NBEA: variants seen among roughly 807,000 people sequenced by gnomAD.
The protein encoded by NBEA is lysosomal-trafficking regulator 2.
Under a neutral mutation model 343.4 loss-of-function variants are expected in NBEA, and 44 were observed. That is an observed-to-expected ratio of 0.13 (90% CI 0.10 to 0.16). The LOEUF is 0.16. NBEA is among the 10% of genes least tolerant of loss of function. The pLI is 1.00. For synonymous variants in NBEA, 1,175 were observed against 1,238.7 expected (o/e 0.95, Z 1.08); for missense variants, 2,555 against 3,631.3 (o/e 0.70, Z 7.62).
At chr13:35,352,411 AT>A in intron 38 of NBEA, 88 bp downstream of exon 38, 1 of 670,238 alleles carries the variant, frequency 1.5e-6, no homozygotes, top group Non-Finnish European at 2.2e-6. Context: ...TTTAAAAGTC[AT>A]TTAGAAAATA....
intron 6 of NBEA, among the ~76,000 whole-genome samples, chr13:35,054,560 TTTATAGAAGCAC>T (rs1226393107): frequency 1.3e-5 from 2 of 151,952 alleles, no homozygotes; most frequent in Non-Finnish European, 2.9e-5. Flanking sequence ...TGACCTTGCT[TTTATAGAAGCAC>T]ACTGTTGTTT....
chr13:34,957,383 A>G (rs1422252593), intron 1 of NBEA, among the ~76,000 whole-genome samples: 1 of 152,108 alleles, frequency 6.6e-6, no homozygotes, highest in African/African-American at 2.4e-5. Context: ...GACCACGAAC[A>G]CTCACACATG....
At chr13:35,244,711 G>C (rs2030912249) in intron 34 of NBEA, among the ~76,000 whole-genome samples, 1 of 152,006 alleles carries the variant, frequency 6.6e-6, no homozygotes, top group African/African-American at 2.4e-5. Context: ...TGGAAGTATG[G>C]TCATGGTCAT....
intron 33 of NBEA, among the ~76,000 whole-genome samples, chr13:35,214,550 A>C (rs771941386): frequency 2.0e-5 from 3 of 151,650 alleles, no homozygotes; most frequent in Non-Finnish European, 3.0e-5. Context: ...CTATCTTTTA[A>C]AATTTTTCTT....
intron 32 of NBEA, among the ~76,000 whole-genome samples, chr13:35,210,488 C>T (rs1023457678): frequency 6.6e-6 from 1 of 152,110 alleles, no homozygotes; most frequent in Non-Finnish European, 1.5e-5. Flanking sequence ...ACTTAATATA[C>T]TTACGTGGCA....
chr13:34,953,806 C>T (rs546933322), intron 1 of NBEA, among the ~76,000 whole-genome samples: 83 of 152,302 alleles, frequency 5.4e-4, no homozygotes, highest in South Asian at 2.1e-3. Context: ...GGAACTGGGC[C>T]GCACAGCAGA....
chr13:35,388,111 T>C lies in NBEA; in HGVS notation c.6179+35788T>C, dbSNP rs558126495. 2.0e-5 allele frequency among the ~76,000 whole-genome samples: 3 copies of C among 152,234 alleles called. No individual in the cohort carries two copies. The East Asian group carries it at 5.8e-4, about 29-fold the overall frequency. ...ACTATCAATTATTCCTGACCTATGC[T>C]TCTCCCCTCTGTCTATTCCCTACCT... On this transcript the variant is annotated intron_variant, in intron 38 of 58. Coordinates refer to ENST00000379939, the MANE Select transcript of NBEA (RefSeq NM_001385012.1).
At chr13:35,433,855 T>TA (rs888288679) in intron 39 of NBEA, among the ~76,000 whole-genome samples, 1 of 152,086 alleles carries the variant, frequency 6.6e-6, no homozygotes, top group African/African-American at 2.4e-5. Context: ...TGGCATGCTT[T>TA]ATAATATGAT....
In NBEA at chr13:35,159,941, C is replaced by T. The variant is rs201399155; in HGVS notation, c.3770C>T (p.Ala1257Val). 1.1e-4 allele frequency: 182 copies of T among 1,593,770 alleles called. No individual in the cohort carries two copies. The highest frequency in any genetic ancestry group is 8.3e-4 in the Middle Eastern group (5 of 6,030). Residue 1257 changes from alanine (A) to valine (V), a missense_variant, in exon 22 of 59, where the codon GCA becomes GTA. Around this residue, in one of 21 missense-constraint regions of NBEA, gnomAD observed 367 missense variants for 377.5 expected, o/e 0.97. Transcript: ENST00000379939. ...AGCAAAATTGTACCAAATATTGATG[C>T]AGGAAGTATAATTTCAGATACTGAA... The part of the protein sequence containing the change: ...SSSKIVPNID[A>V]GSIISDTERS...
At chr13:35,373,300 C>G (rs2041550175) in intron 38 of NBEA, among the ~76,000 whole-genome samples, 1 of 152,060 alleles carries the variant, frequency 6.6e-6, no homozygotes, top group South Asian at 2.1e-4. Context: ...GGGCAAGTAC[C>G]AGATGCCTCT....
intron 41 of NBEA, among the ~76,000 whole-genome samples, chr13:35,529,411 T>C (rs1168690457): frequency 6.6e-6 from 1 of 152,244 alleles, no homozygotes; most frequent in African/African-American, 2.4e-5. Context: ...CTTATACACA[T>C]GGAGCATTGT....
chr13:35,539,721 C>T (rs2078722346), intron 41 of NBEA, among the ~76,000 whole-genome samples: 1 of 150,904 alleles, frequency 6.6e-6, no homozygotes, highest in South Asian at 2.1e-4. Flanking sequence ...TCGAGACCAT[C>T]CTGGCTAACA....
chr13:35,651,388 A>G (rs778615869), intron 52 of NBEA, among the ~76,000 whole-genome samples: 1 of 151,648 alleles, frequency 6.6e-6, no homozygotes, highest in Non-Finnish European at 1.5e-5. Context: ...GCTTGGAAGC[A>G]TAGCCCTTTC....
chr13:34,997,746 T>A (rs1354883818), intron 1 of NBEA, among the ~76,000 whole-genome samples: 4 of 152,242 alleles, frequency 2.6e-5, no homozygotes, highest in Non-Finnish European at 5.9e-5. Context: ...AGTATTCCAA[T>A]TTGCATTCAT....
chr13:35,515,225 A>G (rs2077437366), intron 41 of NBEA, among the ~76,000 whole-genome samples: 1 of 152,204 alleles, frequency 6.6e-6, no homozygotes, highest in Admixed American at 6.5e-5. Flanking sequence ...AAGCAAAGGT[A>G]GAGAGACAAG....
At chr13:35,261,027 C>T (rs927152346) in intron 34 of NBEA, among the ~76,000 whole-genome samples, 8 of 152,114 alleles carry the variant, frequency 5.3e-5, no homozygotes, top group African/African-American at 1.7e-4. Flanking sequence ...AGGAATACAG[C>T]AAAATGCAAA....
intron 1 of NBEA, among the ~76,000 whole-genome samples, chr13:35,021,275 A>C (rs1312661484): frequency 6.6e-6 from 1 of 152,172 alleles, no homozygotes; most frequent in Non-Finnish European, 1.5e-5. Flanking sequence ...TGAAGAATTG[A>C]GTAGTTATCA....
At chr13:35,173,643 C>A in intron 27 of NBEA, 49 bp downstream of exon 27, 5 of 1,558,910 alleles carry the variant, frequency 3.2e-6, no homozygotes, top group Non-Finnish European at 4.4e-6. Context: ...TGAAAAAAAT[C>A]TTTTTTAAGT....
At chr13:35,374,153 G>A (rs2041608859) in intron 38 of NBEA, among the ~76,000 whole-genome samples, 2 of 151,938 alleles carry the variant, frequency 1.3e-5, no homozygotes, top group African/African-American at 4.8e-5. Context: ...TTTTTTCACT[G>A]GAACAGTTAG....
Sources: allele counts gnomAD v4.1 joint callset (sites outside exome capture counted in the v4.1 genomes callset), GRCh38; gene constraint gnomAD v4.1.1; regional missense constraint gnomAD v4.1.1; transcripts MANE v1.5; gene names NCBI Gene and HGNC (gene_info 2026-07-23, HGNC 2026-07-21).